Variants in LRRK2 observed in about 807,000 individuals in gnomAD.
LRRK2 encodes the protein leucine rich repeat kinase 2, also known as leucine-rich repeat serine/threonine-protein kinase 2.
A neutral mutation model predicts 302.6 loss-of-function variants in LRRK2; 203 were observed. The observed-to-expected ratio is 0.67, with a 90% CI of 0.60 to 0.75. LRRK2 has a LOEUF of 0.75. Among genes scored for constraint, LRRK2 ranks in the 30% least tolerant of loss-of-function variants. LRRK2 has a pLI of 0.00. For missense variants in LRRK2, 2,830 were observed against 2,951.0 expected (o/e 0.96, Z 0.95); for synonymous variants, 1,066 against 1,031.9 (o/e 1.03, Z -0.63).
chr12:40,277,624 A>T (rs1465779104), intron 16 of LRRK2, among the ~76,000 whole-genome samples: 1 of 152,178 alleles, frequency 6.6e-6, no homozygotes, highest in Non-Finnish European at 1.5e-5. Context: ...ACCAAATTTG[A>T]GGGTATTAGT....
At chr12:40,353,509 G>A (rs1291054913) in intron 44 of LRRK2, among the ~76,000 whole-genome samples, 11 of 58,766 alleles carry the variant, frequency 1.9e-4, no homozygotes, top group African/African-American at 2.0e-4. Flanking sequence ...CTGGGCAGCC[G>A]GGCAGAGGGG....
At chr12:40,288,805 G>A (rs536262110) in intron 20 of LRRK2, among the ~76,000 whole-genome samples, 36 of 151,794 alleles carry the variant, frequency 2.4e-4, no homozygotes, top group Admixed American at 1.4e-3. Context: ...GTATATTCTA[G>A]ATAGAAGTTG....
chr12:40,267,708 A>G (rs1369298249), intron 14 of LRRK2, among the ~76,000 whole-genome samples: 2 of 152,140 alleles, frequency 1.3e-5, no homozygotes, highest in East Asian at 1.9e-4. Flanking sequence ...GGTATGGGGA[A>G]ACACAAGTAA....
intron 43 of LRRK2, 27 bp from the exon 44 acceptor site, chr12:40,351,512 T>C (rs751144618): frequency 1.2e-6 from 2 of 1,607,528 alleles, no homozygotes; most frequent in Admixed American, 1.7e-5. Context: ...CGATAAGTAC[T>C]GTTTTGTTAT....
At chr12:40,320,945 C>T in intron 34 of LRRK2, 89 bp from the exon 35 acceptor site, 1 of 1,409,706 alleles carries the variant, frequency 7.1e-7, no homozygotes. Context: ...GAATGATTAC[C>T]TTCATTGACT....
In LRRK2 at chr12:40,340,799, C is replaced by T. The variant is rs1018036301; in HGVS notation, c.6109+345C>T. Among the ~76,000 whole-genome samples, 5 of 152,110 alleles carry T rather than the reference C, an allele frequency of 3.3e-5. No individual in the cohort carries two copies. In the South Asian group the frequency reaches 6.2e-4, roughly 19 times the overall value. ...CTAGGTATTGTTGGCACTTGTGAGG[C>T]AAATCAAATTCAGGTCCACAAATTC... On this transcript the variant is annotated intron_variant, in intron 41 of 50. Coordinates refer to ENST00000298910, the MANE Select transcript of LRRK2 (RefSeq NM_198578.4).
intron 18 of LRRK2, among the ~76,000 whole-genome samples, chr12:40,280,690 C>A (rs926894042): frequency 1.3e-5 from 2 of 150,340 alleles, no homozygotes; most frequent in Non-Finnish European, 3.0e-5. Flanking sequence ...GTGGGAGGAT[C>A]ACTTGAGCCT....
chr12:40,251,995 TTC>T (rs1394075960), intron 10 of LRRK2, among the ~76,000 whole-genome samples: 1 of 152,212 alleles, frequency 6.6e-6, no homozygotes, highest in Non-Finnish European at 1.5e-5. Context: ...TTGACCTGTC[TTC>T]TTTCGAGAGG....
Position 40,255,332 on chromosome 12 carries a change from C to T in LRRK2, c.1289-1916C>T, listed in dbSNP as rs2708447. Among the ~76,000 whole-genome samples, 994 of 152,214 alleles carry T rather than the reference C, an allele frequency of 6.5e-3. 4 individuals carry two copies. Among genetic ancestry groups the T allele is most frequent in the Non-Finnish European group, 0.011 (724 of 67,996 alleles). ...GAAAGAAGGTGACTATTGAGTAAGA[C>T]CTGCAGGGCGTCGCATATTGTTTTT... On this transcript the variant is annotated intron_variant, in intron 11 of 50. Coordinates refer to ENST00000298910, the MANE Select transcript of LRRK2 (RefSeq NM_198578.4).
At chr12:40,301,807 T>G (rs972052320) in intron 25 of LRRK2, among the ~76,000 whole-genome samples, 2 of 152,212 alleles carry the variant, frequency 1.3e-5, no homozygotes. Context: ...AGAGACTGTG[T>G]GATTTTCTGT....
At chr12:40,325,642 AGGT>A (rs1945526182) in intron 38 of LRRK2, among the ~76,000 whole-genome samples, 1 of 152,216 alleles carries the variant, frequency 6.6e-6, no homozygotes, top group South Asian at 2.1e-4. Flanking sequence ...TAAACAAATT[AGGT>A]GTATCCTTCT....
chr12:40,363,507 G>A lies in LRRK2; in HGVS notation c.7134G>A (p.Lys2378=). ...GCCCTGTTGTGGAAGTGTGGGATAA[G>A]AAAACTGAAAAACTCTGTGGACTAA... is the stretch of plus-strand genomic sequence containing the variant. The part of the protein sequence containing the change: ...QNSPVVEVWD[K]KTEKLCGLID... The change falls in exon 48 of 51, where the codon AAG becomes AAA. Residue 2378 remains lysine, a synonymous_variant. Coordinates refer to ENST00000298910, the MANE Select transcript of LRRK2 (RefSeq NM_198578.4). 6.2e-7 allele frequency: 1 copy of A among 1,612,020 alleles called. No homozygotes were observed. Among genetic ancestry groups the A allele is most frequent in the East Asian group, 2.2e-5 (1 of 44,762 alleles).
chr12:40,234,109 G>A (rs1345287384), intron 3 of LRRK2, among the ~76,000 whole-genome samples: 1 of 152,166 alleles, frequency 6.6e-6, no homozygotes, highest in Non-Finnish European at 1.5e-5. Context: ...GGGAGAGGTA[G>A]GGGCAGGGTG....
At chr12:40,327,047 T>C (rs575465475) in intron 38 of LRRK2, among the ~76,000 whole-genome samples, 2 of 152,348 alleles carry the variant, frequency 1.3e-5, no homozygotes, top group Admixed American at 1.3e-4. Flanking sequence ...TATTTCCTTA[T>C]AGACTGTTTT....
intron 11 of LRRK2, among the ~76,000 whole-genome samples, chr12:40,254,433 T>C (rs921433206): frequency 2.0e-5 from 3 of 152,160 alleles, no homozygotes; most frequent in African/African-American, 7.2e-5. Context: ...AGACAGGGGC[T>C]GCTCTCAAGG....
Position 40,351,482 on chromosome 12 carries a change from T to G in LRRK2, c.6382-57T>G, listed in dbSNP as rs988452113. The G allele has an allele frequency of 9.6e-6, 15 of 1,561,188 alleles. No homozygotes were observed. The Admixed American group carries it at 2.6e-4, about 27-fold the overall frequency. On this transcript the variant is annotated intron_variant, in intron 43 of 50. Coordinates refer to ENST00000298910, the MANE Select transcript of LRRK2 (RefSeq NM_198578.4). ...AACACTTCAGTCTATATTTGATTTT[T>G]CAAGGGAAATGAGTTAACTCGATAA...
intron 25 of LRRK2, among the ~76,000 whole-genome samples, chr12:40,300,325 T>C (rs1359305435): frequency 2.6e-5 from 4 of 152,194 alleles, no homozygotes; most frequent in Non-Finnish European, 4.4e-5. Flanking sequence ...TGTTCATTTG[T>C]ATCCTAAATG....
intron 28 of LRRK2, among the ~76,000 whole-genome samples, chr12:40,307,430 G>A (rs185100112): frequency 2.0e-5 from 3 of 151,914 alleles, no homozygotes; most frequent in Admixed American, 2.0e-4. Flanking sequence ...TAGTTTAAAG[G>A]TGGTTTTTTA....
chr12:40,298,418 C>G lies in LRRK2; in HGVS notation c.3272C>G (p.Ser1091Ter). ...CCAACTCTGAAACAGTTTAACCTGT[C>G]ATATAACCAGCTGTCTTTTGTACCT... Reference protein sequence around the residue: ...KCPTLKQFNLSYNQLSFVPEN... With the variant: ...KCPTLKQFNL The change falls in exon 24 of 51, where the codon TCA becomes TGA. Residue 1091 changes from serine (S) to a stop codon, truncating the protein, a stop_gained. Transcript: ENST00000298910. LOFTEE classifies it high-confidence loss of function. 3 of 1,613,786 alleles carry G rather than the reference C, an allele frequency of 1.9e-6. No individual in the cohort carries two copies. Among genetic ancestry groups the G allele is most frequent in the Non-Finnish European group, 2.5e-6 (3 of 1,179,916 alleles).
Sources: allele counts gnomAD v4.1 joint callset (sites outside exome capture counted in the v4.1 genomes callset), GRCh38; gene constraint gnomAD v4.1.1; transcripts MANE v1.5; gene names NCBI Gene and HGNC (gene_info 2026-07-23, HGNC 2026-07-21).